CPE: variants seen among roughly 807,000 people sequenced by gnomAD.
CPE encodes the protein carbocypeptidase E.
A neutral mutation model predicts 53.5 loss-of-function variants in CPE; 17 were observed. The ratio of observed to expected loss-of-function variants is 0.32; its 90% CI spans 0.22 to 0.48. CPE has a LOEUF of 0.48. Ranked by LOEUF, CPE falls within the 20% of genes least tolerant of loss-of-function variation. The probability of loss-of-function intolerance (pLI) is 0.99; values close to 1 mark genes in which losing one functional copy is unlikely to be tolerated. For synonymous variants in CPE, 226 were observed against 228.8 expected (o/e 0.99, Z 0.11); for missense variants, 524 against 614.7 (o/e 0.85, Z 1.56).
chr4:165,386,377 T>C (rs1246078491), intron 1 of CPE: 1 of 421,694 alleles, frequency 2.4e-6, no homozygotes, highest in African/African-American at 2.2e-5. Context: ...GCTTGGGACA[T>C]AGTGGCCACT....
At chr4:165,483,768 T>C (rs946208942) in intron 4 of CPE, among the ~76,000 whole-genome samples, 2 of 152,208 alleles carry the variant, frequency 1.3e-5, no homozygotes, top group Non-Finnish European at 2.9e-5. Flanking sequence ...ATGTCTTCTT[T>C]TGAGAAAAGT....
At chr4:165,433,535 T>G (rs1731446587) in intron 1 of CPE, among the ~76,000 whole-genome samples, 1 of 152,188 alleles carries the variant, frequency 6.6e-6, no homozygotes, top group Non-Finnish European at 1.5e-5. Flanking sequence ...TGGGCAAACT[T>G]TTTCTACAAA....
At chr4:165,413,713 A>G (rs1266847489) in intron 1 of CPE, among the ~76,000 whole-genome samples, 2 of 152,230 alleles carry the variant, frequency 1.3e-5, no homozygotes, top group African/African-American at 2.4e-5. Flanking sequence ...ACAGGCATGA[A>G]CAGGAACACA....
chr4:165,464,983 C>T (rs530644259), intron 2 of CPE, among the ~76,000 whole-genome samples: 1 of 152,206 alleles, frequency 6.6e-6, no homozygotes, highest in Non-Finnish European at 1.5e-5. Flanking sequence ...GTCACAGCGC[C>T]CTCTACTGAA....
In CPE at chr4:165,440,461, C is replaced by T. The variant is rs930413358; in HGVS notation, c.308-23929C>T. Among the ~76,000 whole-genome samples, 3 of 141,406 alleles carry T rather than the reference C, an allele frequency of 2.1e-5. 1 individual carries two copies. Among genetic ancestry groups the T allele is most frequent in the South Asian group, 4.3e-4 (2 of 4,642 alleles). The allele number at this position is 141,406 out of a possible 152,430, so 92.8% of individuals were successfully genotyped here. A position where few individuals can be genotyped will look rare whatever the true frequency, so the allele number is the denominator to read the frequency against. On this transcript the variant is annotated intron_variant, in intron 1 of 8. Coordinates refer to ENST00000402744, the MANE Select transcript of CPE (RefSeq NM_001873.4). Reference sequence around the variant, plus strand: ...TGCTGCTCTCACAACCCCACCCCCCCCCACACACACAAGCTGTGGTTTCTG... The same window carrying T: ...TGCTGCTCTCACAACCCCACCCCCCTCCACACACACAAGCTGTGGTTTCTG...
intron 1 of CPE, among the ~76,000 whole-genome samples, chr4:165,384,459 CA>C (rs1426444548): frequency 6.6e-6 from 1 of 152,096 alleles, no homozygotes; most frequent in African/African-American, 2.4e-5. Flanking sequence ...CCTGTCTCTA[CA>C]AAAAAATAAA....
chr4:165,391,613 A>C (rs942139334), intron 1 of CPE, among the ~76,000 whole-genome samples: 1 of 152,158 alleles, frequency 6.6e-6, no homozygotes, highest in Admixed American at 6.5e-5. Flanking sequence ...TTTGGAAATC[A>C]AACTCTGAGT....
Position 165,379,738 on chromosome 4 carries a change from C to G in CPE, c.307+210C>G, listed in dbSNP as rs576662663. On this transcript the variant is annotated intron_variant, in intron 1 of 8. Transcript: ENST00000402744. The surrounding 1 kb of genome is among the most constrained non-coding windows in gnomAD (Gnocchi z 6.0). The stretch of plus-strand genomic sequence containing the variant: ...GCCAGTGGCCCAATTTCTGCTTTCC[C>G]GTCCCATCCCCCCAGCACCAATCCC... 6.6e-6 allele frequency among the ~76,000 whole-genome samples: 1 copy of G among 152,176 alleles called. No homozygotes were observed. Among genetic ancestry groups the G allele is most frequent in the Non-Finnish European group, 1.5e-5 (1 of 68,010 alleles).
chr4:165,425,070 G>T (rs1015012391), intron 1 of CPE, among the ~76,000 whole-genome samples: 5 of 151,852 alleles, frequency 3.3e-5, no homozygotes, highest in African/African-American at 7.3e-5. Flanking sequence ...TAGAGATGGG[G>T]TGTCATCATG....
chr4:165,438,259 A>G (rs75758358), intron 1 of CPE, among the ~76,000 whole-genome samples: 1 of 152,202 alleles, frequency 6.6e-6, no homozygotes, highest in African/African-American at 2.4e-5. Flanking sequence ...GGGAATGAGT[A>G]TGAGCAATAT....
At position 165,442,023 on chromosome 4, in the gene CPE, G is replaced by GTTTTTTTTTTT. The variant is rs11415472; in HGVS notation, c.308-22365_308-22355dup. 1.9e-4 allele frequency among the ~76,000 whole-genome samples: 20 copies of GTTTTTTTTTTT among 107,448 alleles called. 3 individuals carry two copies. The highest frequency in any genetic ancestry group is 2.9e-4 in the East Asian group (1 of 3,452). The allele number at this position is 107,448 out of a possible 152,430, so 70.5% of individuals were successfully genotyped here. On this transcript the variant is annotated intron_variant, in intron 1 of 8. Coordinates refer to ENST00000402744, the MANE Select transcript of CPE (RefSeq NM_001873.4). ...CTTCCTACAGCAAGACGGTGAGTTT[G>GTTTTTTTTTTT]TTTTTTTTTTTTGTTTTTTTTTTGT...
chr4:165,479,774 G>A lies in CPE; in HGVS notation c.673-2468G>A, dbSNP rs564049985. ...TGGGAGGCCGAGGCGGGCGGATCAC[G>A]AGGTCAGGAGATCGAGACCATCCTG... On this transcript the variant is annotated intron_variant, in intron 3 of 8. Transcript: ENST00000402744. 4.2e-3 allele frequency among the ~76,000 whole-genome samples: 646 copies of A among 152,064 alleles called. 2 individuals carry two copies. The highest frequency in any genetic ancestry group is 0.015 in the African/African-American group (621 of 41,496).
chr4:165,417,138 C>T (rs1483024000), intron 1 of CPE, among the ~76,000 whole-genome samples: 1 of 151,742 alleles, frequency 6.6e-6, no homozygotes. Flanking sequence ...GATTAGGGGG[C>T]AGAAGAAGGA....
At chr4:165,480,820 G>T (rs1015337700) in intron 3 of CPE, among the ~76,000 whole-genome samples, 1 of 151,734 alleles carries the variant, frequency 6.6e-6, no homozygotes, top group Non-Finnish European at 1.5e-5. Context: ...AGCAAAAAAA[G>T]CAGTATATAA....
chr4:165,473,734 T>C (rs1353796115), intron 3 of CPE, among the ~76,000 whole-genome samples: 1 of 150,580 alleles, frequency 6.6e-6, no homozygotes, highest in Non-Finnish European at 1.5e-5. Flanking sequence ...AAGGAGGAGG[T>C]GCCATTTGCC....
At chr4:165,398,066 A>C (rs1425398567) in intron 1 of CPE, among the ~76,000 whole-genome samples, 1 of 151,308 alleles carries the variant, frequency 6.6e-6, no homozygotes, top group African/African-American at 2.4e-5. Flanking sequence ...AAAAAAAAAA[A>C]AAAAACAAAA....
intron 1 of CPE, among the ~76,000 whole-genome samples, chr4:165,450,313 G>A (rs35703662): frequency 1.3e-5 from 2 of 152,124 alleles, no homozygotes; most frequent in East Asian, 3.9e-4. Context: ...TCTTATATGC[G>A]ATTTTGTCTT....
chr4:165,383,233 A>G (rs1730532385), intron 1 of CPE, among the ~76,000 whole-genome samples: 3 of 152,208 alleles, frequency 2.0e-5, no homozygotes, highest in Non-Finnish European at 2.9e-5. Context: ...ATTAGATATC[A>G]TACCTGCTAG....
At chr4:165,473,114 A>G (rs1579277630) in intron 3 of CPE, among the ~76,000 whole-genome samples, 1 of 152,234 alleles carries the variant, frequency 6.6e-6, no homozygotes, top group African/African-American at 2.4e-5. Context: ...AGTAAGCCTA[A>G]TAACTTTTAA....
Sources: gnomAD v4.1 joint callset for allele counts (sites outside exome capture counted in the v4.1 genomes callset) on GRCh38, gnomAD v4.1.1 for gene constraint, Gnocchi (gnomAD v3.1) non-coding constraint, MANE v1.5 for transcripts, NCBI Gene and HGNC (gene_info 2026-07-23, HGNC 2026-07-21) for gene names.